Variants in SV2C observed in about 807,000 individuals in gnomAD.
The protein encoded by SV2C is synaptic vesicle glycoprotein 2C, also known as solute carrier family 22 member B3.
Under a neutral mutation model 79.7 loss-of-function variants are expected in SV2C, and 49 were observed. That is an observed-to-expected ratio of 0.61 (90% CI 0.49 to 0.78). SV2C has a LOEUF of 0.78. SV2C is among the 30% of genes least tolerant of loss of function. SV2C has a pLI of 0.00. For missense variants in SV2C, 833 were observed against 912.9 expected (o/e 0.91, Z 1.13); for synonymous variants, 334 against 333.2 (o/e 1.00, Z -0.03).
intron 1 of SV2C, among the ~76,000 whole-genome samples, chr5:76,090,003 C>A (rs1036435316): frequency 2.6e-5 from 4 of 152,168 alleles, no homozygotes; most frequent in African/African-American, 7.2e-5. Context: ...TGAGAGGATA[C>A]CTTTTTGATG....
intron 12 of SV2C, among the ~76,000 whole-genome samples, chr5:76,346,168 A>G (rs895478658): frequency 2.6e-4 from 40 of 152,226 alleles, no homozygotes; most frequent in African/African-American, 9.4e-4. Flanking sequence ...ATCATTCTAT[A>G]GTATTTCCAC....
the SV2C span, among the ~76,000 whole-genome samples, chr5:75,929,710 T>C: frequency 6.6e-6 from 1 of 152,188 alleles, no homozygotes; most frequent in African/African-American, 2.4e-5. Context: ...TAATTTATTG[T>C]TTGCTGAGCT....
At chr5:76,242,531 G>T in intron 4 of SV2C, 1 of 414,586 alleles carries the variant, frequency 2.4e-6, no homozygotes, top group Non-Finnish European at 4.6e-6. Flanking sequence ...TCTTATGTAG[G>T]TGGTTTAGGA....
chr5:75,976,783 T>G, the SV2C span, among the ~76,000 whole-genome samples: 3 of 152,172 alleles, frequency 2.0e-5, no homozygotes, highest in Non-Finnish European at 2.9e-5. Context: ...TGCTCAATTG[T>G]TACCTAGAAG....
chr5:75,972,448 C>G, the SV2C span, among the ~76,000 whole-genome samples: 7 of 152,024 alleles, frequency 4.6e-5, no homozygotes, highest in African/African-American at 1.7e-4. Flanking sequence ...GGCTAATATC[C>G]AGAATCTACA....
intron 2 of SV2C, among the ~76,000 whole-genome samples, chr5:76,157,023 C>T (rs2112240933): frequency 6.6e-6 from 1 of 152,112 alleles, no homozygotes; most frequent in Admixed American, 6.5e-5. Flanking sequence ...TATTTCCAGG[C>T]TTTCCAAATG....
the SV2C span, among the ~76,000 whole-genome samples, chr5:75,931,341 G>T: frequency 1.3e-5 from 2 of 152,156 alleles, no homozygotes; most frequent in Admixed American, 6.5e-5. Flanking sequence ...CTTCTATGTG[G>T]TCATAAGTCA....
chr5:76,213,028 A>G (rs141604599), intron 4 of SV2C, among the ~76,000 whole-genome samples: 15 of 152,354 alleles, frequency 9.8e-5, no homozygotes, highest in Admixed American at 9.8e-4. Flanking sequence ...AACAATGACG[A>G]CACAACAAAA....
chr5:75,901,761 C>T, the SV2C span, among the ~76,000 whole-genome samples: 1 of 152,202 alleles, frequency 6.6e-6, no homozygotes, highest in East Asian at 1.9e-4. Context: ...CTTCCCGGCT[C>T]CTTTGTTTAC....
rs1195715452 is a variant in SV2C, at chr5:76,314,234, G to A, written c.2001-11130G>A. On this transcript the variant is annotated intron_variant, in intron 12 of 12. Transcript: ENST00000502798. ...GGATGATAGTTTTCCTCCCCGTATGGGGTCCAGCCTCCCAGCTTTCCAGAG... is the reference window on the plus strand; with the variant it reads ...GGATGATAGTTTTCCTCCCCGTATGAGGTCCAGCCTCCCAGCTTTCCAGAG... Among the ~76,000 whole-genome samples, 3 of 152,286 alleles carry A rather than the reference G, an allele frequency of 2.0e-5. No homozygotes were observed. In the East Asian group the frequency reaches 5.8e-4, roughly 29 times the overall value.
chr5:75,885,881 G>C, the SV2C span, among the ~76,000 whole-genome samples: 1 of 152,106 alleles, frequency 6.6e-6, no homozygotes. Context: ...AATGCTCTTG[G>C]ATCAACACCA....
rs896298132 is a variant in SV2C at position 76,329,345 on chromosome 5, A to T, written c.*3798A>T. 1 of 152,172 alleles carries T rather than the reference A, an allele frequency of 6.6e-6. No individual in the cohort carries two copies. The highest frequency in any genetic ancestry group is 1.5e-5 in the Non-Finnish European group (1 of 68,028). The allele number at this position is 152,172 out of a possible 1,614,324, so 9.4% of individuals were successfully genotyped here. A position where few individuals can be genotyped will look rare whatever the true frequency, so the allele number is the denominator to read the frequency against. ...GACTATAATTGCAATATTACCCTAC[A>T]GCTCTCCTGACTGTTTATTCCATTA... is the stretch of plus-strand genomic sequence containing the variant. On this transcript the variant is annotated 3_prime_UTR_variant, in exon 13 of 13. Coordinates refer to ENST00000502798, the MANE Select transcript of SV2C (RefSeq NM_014979.4).
chr5:76,194,994 A>T lies in SV2C; in HGVS notation c.656A>T (p.Gln219Leu). ...GGLADKVGRK[Q>L]SLLICMSVNG... ...CTGGCAGACAAAGTGGGAAGGAAAC[A>T]GTCTCTTCTGATTTGCATGTCTGTC... The change falls in exon 3 of 13, where the codon CAG becomes CTG. Residue 219 changes from glutamine to leucine, a missense_variant. Physicochemically the swap from Gln to Leu is moderately radical, Grantham distance 113 (BLOSUM62 -2). Transcript: ENST00000502798. 6.2e-7 allele frequency: 1 copy of T among 1,614,078 alleles called. No individual in the cohort carries two copies. The highest frequency in any genetic ancestry group is 1.1e-5 in the South Asian group (1 of 91,076).
rs1184285564 is a variant in SV2C, at chr5:76,171,608, T to TGGG, written c.581-23303_581-23301dup. Reference sequence around the variant, plus strand: ...GCAGCCACCCCGTCCAGGAGAGAGGTGGGGGGGGGGTCAGCCCCCCGCCCG... The same window carrying TGGG: ...GCAGCCACCCCGTCCAGGAGAGAGGTGGGGGGGGGGGGGTCAGCCCCCCGCCCG... On this transcript the variant is annotated intron_variant, in intron 2 of 12. Transcript: ENST00000502798. Among the ~76,000 whole-genome samples the TGGG allele has an allele frequency of 9.5e-5, 10 of 104,876 alleles. 1 individual carries two copies. The highest frequency in any genetic ancestry group is 7.2e-4 in the Admixed American group (8 of 11,066). The allele number at this position is 104,876 out of a possible 152,430, so 68.8% of individuals were successfully genotyped here. A position where few individuals can be genotyped will look rare whatever the true frequency, so the allele number is the denominator to read the frequency against.
the SV2C span, among the ~76,000 whole-genome samples, chr5:76,058,109 G>A: frequency 6.6e-6 from 1 of 152,022 alleles, no homozygotes; most frequent in African/African-American, 2.4e-5. Flanking sequence ...TCTACTTTGA[G>A]CTGTGTCTTA....
At chr5:76,124,761 C>G (rs1055524208) in intron 1 of SV2C, among the ~76,000 whole-genome samples, 1 of 152,178 alleles carries the variant, frequency 6.6e-6, no homozygotes, top group Non-Finnish European at 1.5e-5. Context: ...CTTGCCAATA[C>G]TTGTTATTTT....
intron 2 of SV2C, among the ~76,000 whole-genome samples, chr5:76,139,528 G>A (rs1175728972): frequency 6.6e-6 from 1 of 152,114 alleles, no homozygotes; most frequent in African/African-American, 2.4e-5. Context: ...GTCGTGGTGA[G>A]GTTGACCATT....
chr5:76,217,458 A>G (rs1333178383), intron 4 of SV2C, among the ~76,000 whole-genome samples: 1 of 152,118 alleles, frequency 6.6e-6, no homozygotes, highest in Non-Finnish European at 1.5e-5. Flanking sequence ...ATAAAGTGAG[A>G]GGTATTTTGA....
At chr5:76,132,856 A>G (rs1224104813) in intron 2 of SV2C, among the ~76,000 whole-genome samples, 1 of 151,950 alleles carries the variant, frequency 6.6e-6, no homozygotes, top group African/African-American at 2.4e-5. Context: ...GTTTGCTTAG[A>G]TTTTCAACTA....
Sources: allele counts gnomAD v4.1 joint callset (sites outside exome capture counted in the v4.1 genomes callset), GRCh38; gene constraint gnomAD v4.1.1; transcripts MANE v1.5; gene names NCBI Gene and HGNC (gene_info 2026-07-23, HGNC 2026-07-21).